ZNF678: variants seen among roughly 807,000 people sequenced by gnomAD.
The protein encoded by ZNF678 is hypothetical protein MGC42493.
In ZNF678, 5 loss-of-function variants were observed where a neutral mutation model predicts 3.0. That is an observed-to-expected ratio of 1.69 (90% CI 0.88 to 3.56). ZNF678 has a LOEUF of 3.56. Among genes scored for constraint, ZNF678 ranks in the 30% most tolerant of loss-of-function variants. ZNF678 has a pLI of 0.00. For synonymous variants in ZNF678, 218 were observed against 199.6 expected, an observed-to-expected ratio of 1.09 and a Z score of -0.78; for missense variants, 593 against 605.0, an observed-to-expected ratio of 0.98 and a Z score of 0.21.
At chr1:227,603,344 G>T (rs1657783173) in intron 1 of ZNF678, among the ~76,000 whole-genome samples, 1 of 152,164 alleles carries the variant, frequency 6.6e-6, no homozygotes. Flanking sequence ...TAGGTGGTTC[G>T]CCTTTATTTG....
intron 1 of ZNF678, among the ~76,000 whole-genome samples, chr1:227,573,105 G>A (rs1294080318): frequency 1.3e-5 from 2 of 152,044 alleles, no homozygotes; most frequent in African/African-American, 2.4e-5. Flanking sequence ...ACCCAGGTGC[G>A]GTGACAAGAA....
chr1:227,661,406 A>C lies in ZNF678; in HGVS notation c.*5578A>C, dbSNP rs1659403036. 1 of 152,170 alleles carries C rather than the reference A, an allele frequency of 6.6e-6. No homozygotes were observed. The highest frequency in any genetic ancestry group is 2.4e-5 in the African/African-American group (1 of 41,422). The allele number at this position is 152,170 out of a possible 1,614,324, so 9.4% of individuals were successfully genotyped here. On this transcript the variant is annotated 3_prime_UTR_variant, in exon 4 of 4. Transcript: ENST00000343776. ...GTCAAGCCGCATTTACAAATGCAAAAATGGACTTGTTTTTGATATGCTTTT... is the reference window on the plus strand; with the variant it reads ...GTCAAGCCGCATTTACAAATGCAAACATGGACTTGTTTTTGATATGCTTTT...
At chr1:227,569,901 A>G (rs990601494) in intron 1 of ZNF678, among the ~76,000 whole-genome samples, 5 of 152,138 alleles carry the variant, frequency 3.3e-5, no homozygotes, top group Admixed American at 6.5e-5. Flanking sequence ...ACCTCTTTTC[A>G]TTTTTATGAA....
chr1:227,637,971 A>G (rs1658721838), intron 1 of ZNF678, among the ~76,000 whole-genome samples: 1 of 152,038 alleles, frequency 6.6e-6, no homozygotes, highest in African/African-American at 2.4e-5. Context: ...TTTAAAAGAG[A>G]TAGTATGGGT....
chr1:227,669,744 C>T (rs538250375), intron 5 of ZNF678, among the ~76,000 whole-genome samples: 145 of 152,204 alleles, frequency 9.5e-4, no homozygotes, highest in Admixed American at 3.6e-3. Context: ...ACCCATACCC[C>T]GTTGGTGAGA....
chr1:227,565,530 T>C (rs1186882124), intron 1 of ZNF678, among the ~76,000 whole-genome samples: 1 of 106,076 alleles, frequency 9.4e-6, no homozygotes, highest in Non-Finnish European at 2.4e-5. Flanking sequence ...CTAATTCTTT[T>C]TATTTTATTT....
At position 227,602,142 on chromosome 1, in the gene ZNF678, T is replaced by A. The variant is rs2102750774; in HGVS notation, c.-164+38418T>A. Among the ~76,000 whole-genome samples the A allele has an allele frequency of 2.0e-5, 3 of 152,328 alleles. No individual in the cohort carries two copies. The South Asian group carries it at 6.2e-4, about 32-fold the overall frequency. On this transcript the variant is annotated intron_variant, in intron 1 of 3. Transcript: ENST00000343776. The stretch of plus-strand genomic sequence containing the variant: ...GTTAGAGAGCATCTTTGTCTTCTGC[T>A]GGTTTTCAATAACAAAACAAAAACT...
chr1:227,634,107 T>C (rs1458747495), intron 1 of ZNF678, among the ~76,000 whole-genome samples: 1 of 152,118 alleles, frequency 6.6e-6, no homozygotes, highest in East Asian at 1.9e-4. Flanking sequence ...GTCATGACAT[T>C]TCTATACACC....
intron 1 of ZNF678, among the ~76,000 whole-genome samples, chr1:227,643,853 C>G (rs940293714): frequency 7.2e-6 from 1 of 139,136 alleles, no homozygotes; most frequent in Admixed American, 7.5e-5. Context: ...ATTTTCTTTT[C>G]TTTTCTTTTC....
intron 2 of ZNF678, among the ~76,000 whole-genome samples, chr1:227,649,496 A>G (rs1036151223): frequency 6.6e-6 from 1 of 152,168 alleles, no homozygotes; most frequent in African/African-American, 2.4e-5. Context: ...GATTACAGGC[A>G]TGCACCACCA....
chr1:227,588,994 T>C (rs988440545), intron 1 of ZNF678, among the ~76,000 whole-genome samples: 1 of 152,224 alleles, frequency 6.6e-6, no homozygotes, highest in Non-Finnish European at 1.5e-5. Flanking sequence ...TAGGGTTGTT[T>C]TTTTCTTGTA....
In ZNF678 at chr1:227,646,600, C is replaced by A. The variant is rs776253193; in HGVS notation, c.-107C>A. On this transcript the variant is annotated 5_prime_UTR_variant, in exon 2 of 4. The change creates a premature stop within an existing upstream ORF in the 5' untranslated region. Transcript: ENST00000343776. ...AATTCTCTCCAGAGGAGTGGGCATG[C>A]CTGGACCCTGCCCAGCGAAATTTGT... 38 of 1,372,126 alleles carry A rather than the reference C, an allele frequency of 2.8e-5. No individual in the cohort carries two copies. The highest frequency in any genetic ancestry group is 3.7e-5 in the Non-Finnish European group (38 of 1,024,608). 85.0% of individuals were successfully genotyped at this position (1,372,126 alleles called of 1,614,324 possible).
rs1462010283 is a variant in ZNF678 at position 227,638,870 on chromosome 1, T to G, written c.-163-7674T>G. Among the ~76,000 whole-genome samples the G allele has an allele frequency of 2.0e-5, 3 of 152,084 alleles. No homozygotes were observed. The highest frequency in any genetic ancestry group is 4.4e-5 in the Non-Finnish European group (3 of 67,994). ...TCCCACAACAGAGACTTGGGAGGAC[T>G]GGGTGGGTCCTGAAAAATTAGGTAA... is the stretch of plus-strand genomic sequence containing the variant. On this transcript the variant is annotated intron_variant, in intron 1 of 3. Coordinates refer to ENST00000343776, the MANE Select transcript of ZNF678 (RefSeq NM_001367909.1). This position sits in a 1 kb window ranked among gnomAD's most constrained non-coding sequence, Gnocchi z 4.2.
intron 1 of ZNF678, among the ~76,000 whole-genome samples, chr1:227,634,990 C>A (rs1408833707): frequency 6.6e-6 from 1 of 151,852 alleles, no homozygotes; most frequent in Non-Finnish European, 1.5e-5. Context: ...CTTGTGTCAC[C>A]CTTCCTCCAG....
chr1:227,663,438 A>T (rs1036911080), downstream of ZNF678, among the ~76,000 whole-genome samples: 1 of 152,188 alleles, frequency 6.6e-6, no homozygotes, highest in African/African-American at 2.4e-5. Context: ...CCCTGATGGG[A>T]CTATAGGCAT....
chr1:227,651,455 A>G (rs1263264346), intron 3 of ZNF678, among the ~76,000 whole-genome samples: 1 of 152,178 alleles, frequency 6.6e-6, no homozygotes, highest in Non-Finnish European at 1.5e-5. Context: ...GTAAATGTCA[A>G]GGTCTGCAGT....
Position 227,633,223 on chromosome 1 carries a change from G to T in ZNF678, c.-163-13321G>T, listed in dbSNP as rs185631327. ...AGCTCAAGTCGGAACAAACAGACCA[G>T]AAGAGTGTGCAGTTGCAAGACTTAA... is the stretch of plus-strand genomic sequence containing the variant. On this transcript the variant is annotated intron_variant, in intron 1 of 3. Coordinates refer to ENST00000343776, the MANE Select transcript of ZNF678 (RefSeq NM_001367909.1). 2.6e-5 allele frequency among the ~76,000 whole-genome samples: 4 copies of T among 152,328 alleles called. No homozygotes were observed. In the East Asian group the frequency reaches 7.7e-4, roughly 29 times the overall value.
intron 1 of ZNF678, among the ~76,000 whole-genome samples, chr1:227,591,624 A>G (rs1657415876): frequency 6.6e-6 from 1 of 152,026 alleles, no homozygotes; most frequent in African/African-American, 2.4e-5. Context: ...ACCAGTCTTC[A>G]GTTCTTAATC....
chr1:227,602,861 T>C (rs888962723), intron 1 of ZNF678, among the ~76,000 whole-genome samples: 1 of 152,168 alleles, frequency 6.6e-6, no homozygotes, highest in African/African-American at 2.4e-5. Context: ...CCAGGCAGAG[T>C]TGCATGTACC....
Sources: gnomAD v4.1 joint callset for allele counts (sites outside exome capture counted in the v4.1 genomes callset) on GRCh38, gnomAD v4.1.1 for gene constraint, Gnocchi (gnomAD v3.1) non-coding constraint, MANE v1.5 for transcripts, NCBI Gene and HGNC (gene_info 2026-07-23, HGNC 2026-07-21) for gene names.